FILIP1L: variants seen among roughly 807,000 people sequenced by gnomAD.
FILIP1L encodes the protein filamin A-interacting protein 1-like.
A neutral mutation model predicts 96.6 loss-of-function variants in FILIP1L; 55 were observed. That is an observed-to-expected ratio of 0.57 (90% confidence interval 0.46 to 0.71). The LOEUF (loss-of-function observed/expected upper bound fraction) is 0.71. FILIP1L is among the 30% of genes least tolerant of loss of function. The pLI is 0.00. For synonymous variants in FILIP1L, 467 were observed against 473.9 expected (o/e 0.99, Z 0.19); for missense variants, 1,304 against 1,321.2 (o/e 0.99, Z 0.20).
At chr3:99,851,142 A>G in intron 4 of FILIP1L, 72 bp from the exon 5 acceptor site, 1 of 1,205,688 alleles carries the variant, frequency 8.3e-7, no homozygotes, top group Non-Finnish European at 1.1e-6. Context: ...TTAAATATAT[A>G]TGTAATTTAG....
At chr3:99,893,234 C>T (rs1323580030) in intron 4 of FILIP1L, among the ~76,000 whole-genome samples, 2 of 145,888 alleles carry the variant, frequency 1.4e-5, no homozygotes, top group African/African-American at 5.1e-5. Flanking sequence ...GGCGCAATCT[C>T]GGCTCACTGC....
In FILIP1L at chr3:99,849,465, A is replaced by G; in HGVS notation, c.2211T>C (p.Cys737=). The G allele has an allele frequency of 1.2e-6, 2 of 1,613,736 alleles. No homozygotes were observed. Among genetic ancestry groups the G allele is most frequent in the South Asian group, 2.2e-5 (2 of 90,962 alleles). The change falls in exon 5 of 6, where the codon TGT becomes TGC. Residue 737 remains cysteine, a synonymous_variant. Transcript: ENST00000477258. ...GGACTGAGTGATCTCCCTGGAGGTG[A>G]CATATTAGGTCTTCAGTTGCCATGT... ...HEYMATEDLI[C]HLQGDHSVLQ...
chr3:99,958,447 C>T (rs1237929301), intron 1 of FILIP1L, among the ~76,000 whole-genome samples: 3 of 151,904 alleles, frequency 2.0e-5, no homozygotes, highest in Non-Finnish European at 4.4e-5. Context: ...CAGGAAAGTG[C>T]TTACATAGCA....
chr3:100,081,603 C>T (rs1559751199), intron 1 of FILIP1L, among the ~76,000 whole-genome samples: 1 of 152,110 alleles, frequency 6.6e-6, no homozygotes. Flanking sequence ...TAATTGTTGC[C>T]TCCTTGAAGT....
At chr3:99,869,214 G>A (rs1236413216) in intron 4 of FILIP1L, among the ~76,000 whole-genome samples, 2 of 152,160 alleles carry the variant, frequency 1.3e-5, no homozygotes, top group Non-Finnish European at 2.9e-5. Flanking sequence ...TTTAATTAAA[G>A]TCCAGATGGG....
At chr3:100,002,346 A>C (rs1709867155) in intron 1 of FILIP1L, among the ~76,000 whole-genome samples, 1 of 152,224 alleles carries the variant, frequency 6.6e-6, no homozygotes, top group Admixed American at 6.5e-5. Flanking sequence ...GATAGGTCTT[A>C]ATACATTATA....
chr3:99,979,506 G>C (rs1392372419), intron 1 of FILIP1L, among the ~76,000 whole-genome samples: 1 of 152,160 alleles, frequency 6.6e-6, no homozygotes, highest in Non-Finnish European at 1.5e-5. Flanking sequence ...TTCATAGGTA[G>C]AAATGGTTTA....
At position 99,832,585 on chromosome 3, in the gene FILIP1L, G is replaced by A. The variant is rs539190881; in HGVS notation, c.3382-1980C>T. Among the ~76,000 whole-genome samples the A allele has an allele frequency of 2.2e-4, 31 of 138,292 alleles. No individual in the cohort carries two copies. In the South Asian group the frequency reaches 7.5e-3, roughly 33 times the overall value. The allele number at this position is 138,292 out of a possible 152,430, so 90.7% of individuals were successfully genotyped here. A position where few individuals can be genotyped will look rare whatever the true frequency, so the allele number is the denominator to read the frequency against. ...AGGCCTAGCGCAGTGGCTCATACCTGTAATCCCAGCACTTTGCGAGGCTGA... is the reference window on the plus strand; with the variant it reads ...AGGCCTAGCGCAGTGGCTCATACCTATAATCCCAGCACTTTGCGAGGCTGA... On this transcript the variant is annotated intron_variant, in intron 5 of 5. Coordinates refer to ENST00000477258, the MANE Select transcript of FILIP1L (RefSeq NM_001387850.1).
At chr3:100,071,146 T>C in intron 1 of FILIP1L, among the ~76,000 whole-genome samples, 1 of 141,952 alleles carries the variant, frequency 7.0e-6, no homozygotes, top group Non-Finnish European at 1.5e-5. Flanking sequence ...TCTTTTTAAG[T>C]TCTTATAATT....
chr3:99,969,303 G>A (rs912084665), intron 1 of FILIP1L, among the ~76,000 whole-genome samples: 1 of 152,160 alleles, frequency 6.6e-6, no homozygotes, highest in African/African-American at 2.4e-5. Context: ...AGCCTTGTTT[G>A]GGCTCTTGAG....
intron 3 of FILIP1L, among the ~76,000 whole-genome samples, chr3:99,929,406 A>T (rs1464465290): frequency 6.6e-6 from 1 of 152,222 alleles, no homozygotes; most frequent in African/African-American, 2.4e-5. Flanking sequence ...ATTTCCATTC[A>T]TGTTCAAAAT....
chr3:99,995,242 C>G (rs953252993), intron 1 of FILIP1L, among the ~76,000 whole-genome samples: 5 of 152,148 alleles, frequency 3.3e-5, no homozygotes, highest in African/African-American at 1.2e-4. Context: ...AACAAAGGGG[C>G]TACGGGGCCC....
intron 1 of FILIP1L, among the ~76,000 whole-genome samples, chr3:100,104,566 C>G (rs1576066706): frequency 6.6e-6 from 1 of 152,112 alleles, no homozygotes; most frequent in East Asian, 1.9e-4. Flanking sequence ...AGGACAGTGA[C>G]CAAGGCAGAG....
intron 5 of FILIP1L, among the ~76,000 whole-genome samples, chr3:99,841,687 A>G (rs1343660101): frequency 6.6e-6 from 1 of 152,240 alleles, no homozygotes; most frequent in East Asian, 1.9e-4. Context: ...TGAATAGACA[A>G]TTCTCAAAAG....
intron 1 of FILIP1L, among the ~76,000 whole-genome samples, chr3:99,966,229 C>G (rs1279209051): frequency 6.6e-6 from 1 of 152,114 alleles, no homozygotes; most frequent in Non-Finnish European, 1.5e-5. Flanking sequence ...AAGCAGGCTG[C>G]AGAGGCTGGG....
intron 1 of FILIP1L, among the ~76,000 whole-genome samples, chr3:100,057,237 T>G (rs1202254806): frequency 4.6e-5 from 7 of 152,184 alleles, no homozygotes; most frequent in Admixed American, 4.6e-4. Context: ...CGTTCTAATA[T>G]TCTGTGACTA....
intron 1 of FILIP1L, among the ~76,000 whole-genome samples, chr3:99,981,156 T>G (rs1215837957): frequency 6.6e-6 from 1 of 152,192 alleles, no homozygotes. Context: ...AAACACCCTG[T>G]GCTGGGATGT....
At chr3:100,100,725 AGAT>A (rs754644581) in intron 1 of FILIP1L, among the ~76,000 whole-genome samples, 1 of 152,218 alleles carries the variant, frequency 6.6e-6, no homozygotes, top group Non-Finnish European at 1.5e-5. Context: ...GAGAATACCA[AGAT>A]GATGAGAAAT....
At chr3:99,840,370 C>T (rs1212665538) in intron 5 of FILIP1L, among the ~76,000 whole-genome samples, 2 of 151,730 alleles carry the variant, frequency 1.3e-5, no homozygotes, top group African/African-American at 4.8e-5. Context: ...ATTACAGGTG[C>T]CCACCACCAT....
Sources: gnomAD v4.1 joint callset for allele counts (sites outside exome capture counted in the v4.1 genomes callset) on GRCh38, gnomAD v4.1.1 for gene constraint, MANE v1.5 for transcripts, NCBI Gene and HGNC (gene_info 2026-07-23, HGNC 2026-07-21) for gene names.